Variants in CSMD1 observed in about 807,000 individuals in gnomAD.
The protein encoded by CSMD1 is CUB and sushi domain-containing protein 1.
A neutral mutation model predicts 417.5 loss-of-function variants in CSMD1; 213 were observed. The ratio of observed to expected loss-of-function variants is 0.51; its 90% CI spans 0.46 to 0.57. The LOEUF (loss-of-function observed/expected upper bound fraction) is 0.57, where lower values mean the gene tolerates loss of function less well. Among genes scored for constraint, CSMD1 ranks in the 20% least tolerant of loss-of-function variants. CSMD1 has a pLI of 0.00. For missense variants in CSMD1, 6,923 were observed against 4,529.7 expected (o/e 1.53, Z -15.17); for synonymous variants, 2,862 against 1,736.8 (o/e 1.65, Z -16.11).
intron 3 of CSMD1, among the ~76,000 whole-genome samples, chr8:4,210,546 G>C (rs1320822163): frequency 2.0e-5 from 3 of 151,870 alleles, no homozygotes; most frequent in African/African-American, 7.3e-5. Flanking sequence ...TGACTTTTAA[G>C]AAAGCACAAA....
intron 6 of CSMD1, among the ~76,000 whole-genome samples, chr8:3,736,707 A>G (rs890390429): frequency 3.9e-5 from 6 of 152,168 alleles, no homozygotes; most frequent in Admixed American, 1.3e-4. Context: ...GGATAAGGAC[A>G]CACCTGCTTC....
intron 7 of CSMD1, among the ~76,000 whole-genome samples, chr8:3,691,366 C>CAAA (rs34547668): frequency 7.5e-6 from 1 of 133,856 alleles, no homozygotes; most frequent in African/African-American, 2.8e-5. Context: ...GACTCTGTCT[C>CAAA]AAAAAAAAAA....
At chr8:3,287,972 G>A (rs547868647) in intron 25 of CSMD1, among the ~76,000 whole-genome samples, 5 of 146,800 alleles carry the variant, frequency 3.4e-5, no homozygotes, top group Non-Finnish European at 7.4e-5. Flanking sequence ...TTTGAGATAC[G>A]TCCCATCAAT....
intron 7 of CSMD1, among the ~76,000 whole-genome samples, chr8:3,648,018 T>C (rs941462134): frequency 1.3e-5 from 2 of 152,232 alleles, no homozygotes; most frequent in African/African-American, 4.8e-5. Flanking sequence ...TTATTTCTTG[T>C]GCAGCTAATC....
intron 3 of CSMD1, among the ~76,000 whole-genome samples, chr8:4,177,659 T>A (rs1798127441): frequency 2.9e-5 from 4 of 138,990 alleles, no homozygotes; most frequent in African/African-American, 8.1e-5. Flanking sequence ...TTTGAAAAGA[T>A]CAACAAAATT....
intron 26 of CSMD1, among the ~76,000 whole-genome samples, chr8:3,275,943 T>G (rs1279888799): frequency 2.6e-5 from 4 of 152,238 alleles, no homozygotes; most frequent in Admixed American, 6.5e-5. Flanking sequence ...AAACTCTTTC[T>G]CTGTTCAGCT....
chr8:3,087,950 TAATC>T (rs1179273674), intron 48 of CSMD1, among the ~76,000 whole-genome samples: 1 of 152,248 alleles, frequency 6.6e-6, no homozygotes, highest in Non-Finnish European at 1.5e-5. Flanking sequence ...AACATTTTCT[TAATC>T]AAGGCCATTA....
rs536003017 is a variant in CSMD1, at chr8:3,934,125, C to G, written c.818+63778G>C. 2.5e-3 allele frequency among the ~76,000 whole-genome samples: 381 copies of G among 152,102 alleles called. 1 individual carries two copies. Among genetic ancestry groups the G allele is most frequent in the Non-Finnish European group, 2.5e-3 (172 of 68,000 alleles). ...TTGAAAACTAAAATTAAATGATTAC[C>G]CACTTCACAAAAAAGATGAGCTCAT... On this transcript the variant is annotated intron_variant, in intron 5 of 69. Coordinates refer to ENST00000635120, the MANE Select transcript of CSMD1 (RefSeq NM_033225.6).
chr8:3,549,750 G>C (rs1231235917), intron 10 of CSMD1, among the ~76,000 whole-genome samples: 1 of 152,096 alleles, frequency 6.6e-6, no homozygotes, highest in Non-Finnish European at 1.5e-5. Context: ...GCGATCCCCA[G>C]ATACAGTTCC....
Position 2,938,454 on chromosome 8 carries a change from G to T in CSMD1, c.*131C>A, listed in dbSNP as rs986423269. ...GAGTAGAGATCCCCGCTGCACTTAT[G>T]CCAGTAGACAAGGTTGAAGATCGCT... On this transcript the variant is annotated 3_prime_UTR_variant, in exon 70 of 70. Transcript: ENST00000635120. The T allele has an allele frequency of 1.2e-6, 1 of 825,630 alleles. No homozygotes were observed. The allele number at this position is 825,630 out of a possible 1,614,324, so 51.1% of individuals were successfully genotyped here.
At chr8:4,191,480 T>C (rs1002768859) in intron 3 of CSMD1, among the ~76,000 whole-genome samples, 23 of 152,128 alleles carry the variant, frequency 1.5e-4, no homozygotes, top group Admixed American at 1.2e-3. Flanking sequence ...ACTAAAAGCA[T>C]TGTTCTTACT....
At chr8:4,139,230 T>A (rs568352920) in intron 3 of CSMD1, among the ~76,000 whole-genome samples, 1 of 152,222 alleles carries the variant, frequency 6.6e-6, no homozygotes, top group African/African-American at 2.4e-5. Flanking sequence ...TAGTGGTGCT[T>A]TAAAGGCGAA....
At chr8:4,004,904 C>T (rs927443948) in intron 4 of CSMD1, among the ~76,000 whole-genome samples, 7 of 152,006 alleles carry the variant, frequency 4.6e-5, no homozygotes, top group African/African-American at 1.4e-4. Context: ...GCCACCATGC[C>T]CAGCTAATTT....
chr8:4,710,614 G>C (rs996012336), intron 1 of CSMD1, among the ~76,000 whole-genome samples: 3 of 151,158 alleles, frequency 2.0e-5, no homozygotes, highest in Non-Finnish European at 4.4e-5. Flanking sequence ...GGGAGACTCA[G>C]ATGGGTGGAT....
chr8:4,320,194 A>G (rs1165191863), intron 3 of CSMD1, among the ~76,000 whole-genome samples: 2 of 152,230 alleles, frequency 1.3e-5, no homozygotes, highest in Non-Finnish European at 2.9e-5. Context: ...TTAACAAGGT[A>G]AAATGTGTGA....
At chr8:3,493,018 T>C (rs960659788) in intron 11 of CSMD1, among the ~76,000 whole-genome samples, 1 of 152,002 alleles carries the variant, frequency 6.6e-6, no homozygotes, top group African/African-American at 2.4e-5. Context: ...GTTGGCTGGG[T>C]GCGGTGGTTC....
chr8:3,226,898 A>G (rs1366763928), intron 27 of CSMD1, among the ~76,000 whole-genome samples: 2 of 152,144 alleles, frequency 1.3e-5, no homozygotes, highest in African/African-American at 4.8e-5. Context: ...TAGCTGATCA[A>G]TCAGGAAAGA....
intron 51 of CSMD1, among the ~76,000 whole-genome samples, chr8:3,021,420 C>T (rs1209195694): frequency 6.6e-6 from 1 of 152,212 alleles, no homozygotes; most frequent in Non-Finnish European, 1.5e-5. Context: ...GGAAGCCCCT[C>T]ACTACTAAAA....
intron 7 of CSMD1, among the ~76,000 whole-genome samples, chr8:3,698,571 G>A (rs1362391786): frequency 6.6e-6 from 1 of 152,166 alleles, no homozygotes; most frequent in Admixed American, 6.6e-5. Context: ...AAATCACTCT[G>A]GCCTACTACC....
Sources: gnomAD v4.1 joint callset for allele counts (sites outside exome capture counted in the v4.1 genomes callset) on GRCh38, gnomAD v4.1.1 for gene constraint, MANE v1.5 for transcripts, NCBI Gene and HGNC (gene_info 2026-07-23, HGNC 2026-07-21) for gene names.